The following ZFAND3 variants were observed in gnomAD, a reference collection of about 807,000 sequenced individuals.
ZFAND3 encodes the protein AN1-type zinc finger protein 3.
In ZFAND3, 10 loss-of-function variants were observed where a neutral mutation model predicts 29.6. That is an observed-to-expected ratio of 0.34 (90% CI 0.21 to 0.57). The LOEUF is 0.57. Among genes scored for constraint, ZFAND3 ranks in the 20% least tolerant of loss-of-function variants. The probability of loss-of-function intolerance (pLI) is 0.86; values close to 1 mark genes in which losing one functional copy is unlikely to be tolerated. For missense variants in ZFAND3, 230 were observed against 304.5 expected, an observed-to-expected ratio of 0.76 and a Z score of 1.82; for synonymous variants, 128 against 112.6, an observed-to-expected ratio of 1.14 and a Z score of -0.87.
intron 1 of ZFAND3, among the ~76,000 whole-genome samples, chr6:37,908,380 G>A (rs1224729430): frequency 1.3e-5 from 2 of 152,052 alleles, no homozygotes; most frequent in Non-Finnish European, 2.9e-5. Flanking sequence ...TGCCATTAGT[G>A]TGAACATAAT....
chr6:38,074,423 C>T (rs1764514286), intron 3 of ZFAND3, among the ~76,000 whole-genome samples: 1 of 151,998 alleles, frequency 6.6e-6, no homozygotes, highest in African/African-American at 2.4e-5. Flanking sequence ...ATGTAAGATA[C>T]ATAAAAAAAG....
chr6:38,132,865 ACT>A (rs1363430607), intron 5 of ZFAND3, among the ~76,000 whole-genome samples: 1 of 151,758 alleles, frequency 6.6e-6, no homozygotes, highest in Non-Finnish European at 1.5e-5. Context: ...ATTCCCCCTC[ACT>A]CTGCCCTCCG....
chr6:38,065,315 C>CAA lies in ZFAND3; in HGVS notation c.295+3551_295+3552dup, dbSNP rs201237370. Among the ~76,000 whole-genome samples the CAA allele has an allele frequency of 4.7e-5, 6 of 127,182 alleles. No homozygotes were observed. The East Asian group carries it at 6.4e-4, about 14-fold the overall frequency. 83.4% of individuals were successfully genotyped at this position (127,182 alleles called of 152,430 possible). A position where few individuals can be genotyped will look rare whatever the true frequency, so the allele number is the denominator to read the frequency against. ...GGCGACAGAGTGGGACTCTGTCTCA[C>CAA]AAAAAAAAAAAAGAAAGAAAAGAAA... On this transcript the variant is annotated intron_variant, in intron 3 of 5. Transcript: ENST00000287218.
intron 4 of ZFAND3, among the ~76,000 whole-genome samples, chr6:38,084,257 A>G (rs1764717339): frequency 6.6e-6 from 1 of 152,224 alleles, no homozygotes; most frequent in Non-Finnish European, 1.5e-5. Flanking sequence ...AGCATACACT[A>G]AAGTAGTTTG....
intron 2 of ZFAND3, among the ~76,000 whole-genome samples, chr6:38,038,592 C>T (rs1338875059): frequency 2.0e-5 from 3 of 152,078 alleles, no homozygotes; most frequent in Non-Finnish European, 4.4e-5. Flanking sequence ...TAAAGACATT[C>T]ATATAGGAGA....
chr6:37,909,276 C>CT (rs142698620), intron 1 of ZFAND3, among the ~76,000 whole-genome samples: 292 of 139,806 alleles, frequency 2.1e-3, no homozygotes, highest in Non-Finnish European at 2.5e-3. Flanking sequence ...TTCTTTTTTT[C>CT]TTTTTTTTTT....
chr6:37,828,987 A>G (rs1028789546), intron 1 of ZFAND3, among the ~76,000 whole-genome samples: 14 of 152,184 alleles, frequency 9.2e-5, no homozygotes, highest in African/African-American at 3.4e-4. Context: ...TGCTGCTGAA[A>G]TCTAAAAAAA....
At chr6:38,140,622 T>G (rs1041678860) in intron 5 of ZFAND3, among the ~76,000 whole-genome samples, 8 of 152,184 alleles carry the variant, frequency 5.3e-5, no homozygotes, top group African/African-American at 1.9e-4. Context: ...CACAAAATGC[T>G]GGGCTTACAG....
chr6:38,050,851 A>G (rs1764012823), intron 2 of ZFAND3, among the ~76,000 whole-genome samples: 1 of 152,144 alleles, frequency 6.6e-6, no homozygotes, highest in Non-Finnish European at 1.5e-5. Flanking sequence ...TTAAGGGAAA[A>G]CGTGTCTCAA....
At chr6:38,016,459 A>G (rs1308991953) in intron 2 of ZFAND3, among the ~76,000 whole-genome samples, 2 of 152,210 alleles carry the variant, frequency 1.3e-5, no homozygotes, top group Non-Finnish European at 2.9e-5. Context: ...AACTTAAGAG[A>G]ACACACTGGA....
At chr6:38,133,478 G>A (rs926429899) in intron 5 of ZFAND3, among the ~76,000 whole-genome samples, 3 of 152,124 alleles carry the variant, frequency 2.0e-5, no homozygotes, top group African/African-American at 7.2e-5. Flanking sequence ...GGCCGGGCGC[G>A]GTGGCTCACG....
At chr6:37,835,516 G>A (rs1763951299) in intron 1 of ZFAND3, among the ~76,000 whole-genome samples, 1 of 148,360 alleles carries the variant, frequency 6.7e-6, no homozygotes, top group Non-Finnish European at 1.5e-5. Flanking sequence ...TTTTTAGATA[G>A]CATGTACATG....
intron 5 of ZFAND3, among the ~76,000 whole-genome samples, chr6:38,122,978 C>G (rs1245229769): frequency 6.6e-6 from 1 of 152,158 alleles, no homozygotes; most frequent in Non-Finnish European, 1.5e-5. Context: ...TGAGGACAGA[C>G]TGTTAGAAAG....
intron 1 of ZFAND3, among the ~76,000 whole-genome samples, chr6:37,844,838 C>T (rs1029846750): frequency 6.7e-6 from 1 of 150,338 alleles, no homozygotes; most frequent in African/African-American, 2.5e-5. Context: ...CACGGTGAAA[C>T]TCCGTCTCTA....
intron 2 of ZFAND3, among the ~76,000 whole-genome samples, chr6:38,001,694 G>A (rs1427706817): frequency 6.6e-6 from 1 of 152,100 alleles, no homozygotes; most frequent in Non-Finnish European, 1.5e-5. Flanking sequence ...TGTAGTTGGT[G>A]GAGTGAGATG....
At chr6:37,876,234 C>A (rs1764790427) in intron 1 of ZFAND3, among the ~76,000 whole-genome samples, 1 of 152,084 alleles carries the variant, frequency 6.6e-6, no homozygotes, top group South Asian at 2.1e-4. Context: ...ATTTCTGTTC[C>A]AAGTTTTGTT....
intron 1 of ZFAND3, among the ~76,000 whole-genome samples, chr6:37,836,362 G>A (rs1474554653): frequency 6.6e-6 from 1 of 152,134 alleles, no homozygotes; most frequent in Admixed American, 6.5e-5. Flanking sequence ...GAACCCTGAG[G>A]AACACAGGTA....
intron 2 of ZFAND3, among the ~76,000 whole-genome samples, chr6:37,994,469 C>G (rs1243480676): frequency 6.6e-6 from 1 of 152,152 alleles, no homozygotes; most frequent in African/African-American, 2.4e-5. Flanking sequence ...ACTTTTCTCT[C>G]AGAAATTGCC....
At chr6:37,846,115 T>A (rs999778896) in intron 1 of ZFAND3, among the ~76,000 whole-genome samples, 5 of 152,234 alleles carry the variant, frequency 3.3e-5, no homozygotes, top group Non-Finnish European at 7.3e-5. Context: ...GTTCCTGTTA[T>A]AGCCCTGATT....
Sources: gnomAD v4.1 joint callset for allele counts (sites outside exome capture counted in the v4.1 genomes callset) on GRCh38, gnomAD v4.1.1 for gene constraint, MANE v1.5 for transcripts, NCBI Gene and HGNC (gene_info 2026-07-23, HGNC 2026-07-21) for gene names.